Variants in SOHLH1 observed in about 807,000 individuals in gnomAD.
SOHLH1 encodes spermatogenesis- and oogenesis-specific basic helix-loop-helix-containing protein 1.
Under a neutral mutation model 36.2 loss-of-function variants are expected in SOHLH1, and 23 were observed. That is an observed-to-expected ratio of 0.64 (90% confidence interval 0.46 to 0.90). The LOEUF (loss-of-function observed/expected upper bound fraction) is 0.90. Ranked by LOEUF, SOHLH1 falls within the 40% of genes least tolerant of loss-of-function variation. The pLI, the probability that SOHLH1 is intolerant of heterozygous loss-of-function variation, is 0.00. For synonymous variants in SOHLH1, 289 were observed against 228.3 expected (o/e 1.27, Z -2.40); for missense variants, 608 against 517.0 (o/e 1.18, Z -1.71).
chr9:135,693,455 C>G lies in SOHLH1; in HGVS notation c.*142G>C. 8.5e-7 allele frequency: 1 copy of G among 1,180,840 alleles called. No homozygotes were observed. The highest frequency in any genetic ancestry group is 1.7e-5 in the South Asian group (1 of 60,280). 73.1% of individuals were successfully genotyped at this position (1,180,840 alleles called of 1,614,324 possible). On this transcript the variant is annotated 3_prime_UTR_variant, in exon 8 of 8. Coordinates refer to ENST00000425225, the MANE Select transcript of SOHLH1 (RefSeq NM_001101677.2). ...CTTTCCCTCTTTAATATTCACTATC[C>G]TCTTCTCACAGCCTGTAAGCCTCGC...
upstream of SOHLH1, among the ~76,000 whole-genome samples, chr9:135,699,789 G>T (rs755669657): frequency 9.2e-5 from 14 of 151,878 alleles, no homozygotes; most frequent in Non-Finnish European, 1.6e-4. Flanking sequence ...GGTCGCCTCG[G>T]TTCCCACTTA....
chr9:135,698,263 C>T, intron 3 of SOHLH1, 66 bp downstream of exon 3: 1 of 1,604,616 alleles, frequency 6.2e-7, no homozygotes, highest in Non-Finnish European at 8.5e-7. Context: ...ACACTGCCTG[C>T]AAGGTGGTGA....
chr9:135,694,357 G>C, intron 7 of SOHLH1, 30 bp downstream of exon 7: 1 of 1,611,886 alleles, frequency 6.2e-7, no homozygotes, highest in Admixed American at 1.7e-5. Context: ...TACGCGGGGG[G>C]ACCAGCCCTG....
chr9:135,699,252 G>A, intron 1 of SOHLH1, 126 bp from the exon 2 acceptor site: 2 of 1,509,418 alleles, frequency 1.3e-6, no homozygotes, highest in Non-Finnish European at 9.0e-7. Flanking sequence ...TAGGGACACG[G>A]CCCGGCCCTC....
chr9:135,699,229 AGACTGGGTCACG>A, intron 1 of SOHLH1, 103 bp from the exon 2 acceptor site: 1 of 1,534,656 alleles, frequency 6.5e-7, no homozygotes, highest in Non-Finnish European at 8.8e-7. Context: ...GTGGAAGCCA[AGACTGGGTCACG>A]TAGGGACACG....
intron 3 of SOHLH1, among the ~76,000 whole-genome samples, 184 bp downstream of exon 3, chr9:135,698,145 A>G (rs1267708155): frequency 5.3e-5 from 8 of 152,180 alleles, no homozygotes; most frequent in Non-Finnish European, 7.4e-5. Flanking sequence ...CAGGAACAGA[A>G]TAACAACAGG....
chr9:135,700,696 G>C (rs1835000433), upstream of SOHLH1, among the ~76,000 whole-genome samples: 1 of 152,224 alleles, frequency 6.6e-6, no homozygotes, highest in African/African-American at 2.4e-5. Flanking sequence ...GTTTGGAGCA[G>C]AGGGAGGTTA....
At chr9:135,700,750 G>A (rs966979517), upstream of SOHLH1, among the ~76,000 whole-genome samples, 2 of 152,156 alleles carry the variant, frequency 1.3e-5, no homozygotes, top group African/African-American at 4.8e-5. Flanking sequence ...GCCCAGCCTT[G>A]GCTGCAGGTC....
intron 2 of SOHLH1, among the ~76,000 whole-genome samples, 183 bp downstream of exon 2, chr9:135,698,812 G>A (rs190995191): frequency 2.3e-3 from 351 of 152,354 alleles, no homozygotes; most frequent in African/African-American, 8.0e-3. Context: ...GATAAAGAGG[G>A]GCTGCAGGAT....
rs971004338 is a variant in SOHLH1, at chr9:135,697,439, G to C, written c.467+67C>G. ...GCCACACCCTCCCGAGGACATGCCAGGGGGCTTTGGGTCTGCTGCTCCCAG... is the reference window on the plus strand; with the variant it reads ...GCCACACCCTCCCGAGGACATGCCACGGGGCTTTGGGTCTGCTGCTCCCAG... On this transcript the variant is annotated intron_variant, in intron 4 of 7. Transcript: ENST00000425225. The C allele has an allele frequency of 9.5e-6, 15 of 1,581,336 alleles. No individual in the cohort carries two copies. In the Admixed American group the frequency reaches 1.9e-4, roughly 20 times the overall value.
At chr9:135,700,826 G>C (rs1284237556), upstream of SOHLH1, among the ~76,000 whole-genome samples, 1 of 152,168 alleles carries the variant, frequency 6.6e-6, no homozygotes, top group Non-Finnish European at 1.5e-5. Flanking sequence ...CCCCTCTCCC[G>C]GCCCTGCCCC....
At chr9:135,697,687 C>G (rs1221259715) in intron 3 of SOHLH1, 60 bp from the exon 4 acceptor site, 1 of 1,576,674 alleles carries the variant, frequency 6.3e-7, no homozygotes, top group Non-Finnish European at 8.6e-7. Flanking sequence ...AAACCCAAGA[C>G]ACGGTGACAA....
At chr9:135,700,055 A>G (rs1401592806), upstream of SOHLH1, among the ~76,000 whole-genome samples, 1 of 152,000 alleles carries the variant, frequency 6.6e-6, no homozygotes, top group Non-Finnish European at 1.5e-5. Context: ...GCCCAGAACC[A>G]GGGGCATCTT....
chr9:135,694,481 A>T (rs1236828122), intron 6 of SOHLH1, 24 bp from the exon 7 acceptor site: 1 of 1,611,390 alleles, frequency 6.2e-7, no homozygotes, highest in Admixed American at 1.7e-5. Flanking sequence ...GCTCTTCCTC[A>T]GTGGCCACAA....
At chr9:135,697,875 C>T (rs1272347422) in intron 3 of SOHLH1, among the ~76,000 whole-genome samples, 1 of 152,182 alleles carries the variant, frequency 6.6e-6, no homozygotes, top group African/African-American at 2.4e-5. Flanking sequence ...CCTGACCTCA[C>T]AGATGACAAC....
At position 135,697,585 on chromosome 9, in the gene SOHLH1, C is replaced by T. The variant is rs764804917; in HGVS notation, c.388G>A (p.Asp130Asn). The T allele has an allele frequency of 1.1e-5, 17 of 1,612,506 alleles. No homozygotes were observed. The South Asian group carries it at 1.8e-4, about 17-fold the overall frequency. Residue 130 changes from aspartate to asparagine, a missense_variant, in exon 4 of 8, where the codon GAT (aspartate) becomes AAT (asparagine). Coordinates refer to ENST00000425225, the MANE Select transcript of SOHLH1 (RefSeq NM_001101677.2). ...SKEMWHSLQE[D>N]VLQLTLSSQI... is the part of the protein sequence containing the mutation. ...CTCGACAACGTCAACTGTAAAACAT[C>T]CTCCTGCAACGAGTGCCACATTTCC...
At chr9:135,701,257 C>T (rs942075993), upstream of SOHLH1, among the ~76,000 whole-genome samples, 2 of 152,220 alleles carry the variant, frequency 1.3e-5, no homozygotes, top group Non-Finnish European at 2.9e-5. Context: ...TGTGTTCAGC[C>T]TGCTGCCTCC....
chr9:135,698,878 T>C (rs1262187729), intron 2 of SOHLH1, 117 bp downstream of exon 2: 2 of 1,459,620 alleles, frequency 1.4e-6, no homozygotes. Flanking sequence ...GTCCTTCTCC[T>C]GGGCACAGGC....
intron 7 of SOHLH1, chr9:135,694,114 T>G (rs1045260873): frequency 1.2e-5 from 17 of 1,429,762 alleles, no homozygotes; most frequent in African/African-American, 1.4e-5. Flanking sequence ...GGGGCCTCGC[T>G]GACACAGGGT....
Sources: gnomAD v4.1 joint callset for allele counts (sites outside exome capture counted in the v4.1 genomes callset) on GRCh38, gnomAD v4.1.1 for gene constraint, MANE v1.5 for transcripts, NCBI Gene and HGNC (gene_info 2026-07-23, HGNC 2026-07-21) for gene names.